KIF26B: variants seen among roughly 807,000 people sequenced by gnomAD.
The protein encoded by KIF26B is kinesin-like protein KIF26B.
In KIF26B, 63 loss-of-function variants were observed where a neutral mutation model predicts 151.2. The ratio of observed to expected loss-of-function variants is 0.42; its 90% CI spans 0.34 to 0.51. The LOEUF (loss-of-function observed/expected upper bound fraction) is 0.51. Ranked by LOEUF, KIF26B falls within the 20% of genes least tolerant of loss-of-function variation. The pLI is 0.07. For missense variants in KIF26B, 2,813 were observed against 2,913.6 expected, an observed-to-expected ratio of 0.97 and a Z score of 0.79; for synonymous variants, 1,357 against 1,262.1, an observed-to-expected ratio of 1.08 and a Z score of -1.59.
At position 245,353,227 on chromosome 1, in the gene KIF26B, C is replaced by T. The variant is rs144016714; in HGVS notation, c.466-13607C>T. On this transcript the variant is annotated intron_variant, in intron 2 of 14. Transcript: ENST00000407071. Reference sequence around the variant, plus strand: ...GACTAGAGGCAGCAGGGAGAGGGGTCCTGGTTTACTCACCCCCTCTCCCTC... The same window carrying T: ...GACTAGAGGCAGCAGGGAGAGGGGTTCTGGTTTACTCACCCCCTCTCCCTC... Among the ~76,000 whole-genome samples, 446 of 152,186 alleles carry T rather than the reference C, an allele frequency of 2.9e-3. 2 individuals carry two copies. The highest frequency in any genetic ancestry group is 0.01 in the African/African-American group (425 of 41,520).
At chr1:245,485,860 T>C (rs1464228327) in intron 4 of KIF26B, among the ~76,000 whole-genome samples, 1 of 152,234 alleles carries the variant, frequency 6.6e-6, no homozygotes, top group Non-Finnish European at 1.5e-5. Flanking sequence ...TCTCCAGAGC[T>C]GTGATGAATA....
intron 2 of KIF26B, among the ~76,000 whole-genome samples, chr1:245,226,512 G>T (rs1001371690): frequency 6.6e-6 from 1 of 151,806 alleles, no homozygotes; most frequent in African/African-American, 2.4e-5. Context: ...GCCCAGGCTA[G>T]AGTGCAATGG....
At chr1:245,294,077 G>C (rs1314749975) in intron 2 of KIF26B, among the ~76,000 whole-genome samples, 1 of 152,214 alleles carries the variant, frequency 6.6e-6, no homozygotes, top group East Asian at 1.9e-4. Context: ...TATAGACCAT[G>C]ATGGTGGCCT....
chr1:245,370,043 A>T (rs1020184483), intron 3 of KIF26B, among the ~76,000 whole-genome samples: 11 of 152,220 alleles, frequency 7.2e-5, no homozygotes, highest in Non-Finnish European at 1.6e-4. Context: ...TATCAAAAGT[A>T]ACATATTTGT....
intron 4 of KIF26B, among the ~76,000 whole-genome samples, chr1:245,539,429 T>A (rs1661553486): frequency 6.6e-6 from 1 of 152,212 alleles, no homozygotes; most frequent in Admixed American, 6.5e-5. Flanking sequence ...ATTGGATGAA[T>A]TATAAGATTT....
In KIF26B at chr1:245,592,967, G is replaced by C. The variant is rs528546897; in HGVS notation, c.1351-9610G>C. Among the ~76,000 whole-genome samples, 106 of 152,180 alleles carry C rather than the reference G, an allele frequency of 7.0e-4. 1 individual carries two copies. Among genetic ancestry groups the C allele is most frequent in the African/African-American group, 2.5e-3 (104 of 41,512 alleles). ...TCACAGCCTCCTTAGTTGTCCCCTG[G>C]ATTTCCTGGCATTGGAGTTATGTAA... is the stretch of plus-strand genomic sequence containing the variant. On this transcript the variant is annotated intron_variant, in intron 5 of 14. Transcript: ENST00000407071.
chr1:245,298,316 G>T (rs1404850770), intron 2 of KIF26B, among the ~76,000 whole-genome samples: 1 of 152,212 alleles, frequency 6.6e-6, no homozygotes, highest in African/African-American at 2.4e-5. Context: ...GCATACAATG[G>T]CATATTCTTC....
At chr1:245,186,654 C>T (rs1669005679) in intron 2 of KIF26B, among the ~76,000 whole-genome samples, 1 of 152,148 alleles carries the variant, frequency 6.6e-6, no homozygotes, top group Admixed American at 6.5e-5. Context: ...AGTTACGTAT[C>T]TCTAACTTGG....
intron 10 of KIF26B, among the ~76,000 whole-genome samples, chr1:245,646,620 G>T (rs550730479): frequency 6.6e-6 from 1 of 152,294 alleles, no homozygotes; most frequent in Admixed American, 6.5e-5. Flanking sequence ...AGAGTGAGGG[G>T]TGGAAGACTG....
intron 2 of KIF26B, among the ~76,000 whole-genome samples, chr1:245,328,283 A>C (rs564123012): frequency 6.6e-6 from 1 of 152,188 alleles, no homozygotes; most frequent in South Asian, 2.1e-4. Context: ...CATTTGTAAA[A>C]TTAGGGAATA....
chr1:245,177,666 G>C (rs914734425), intron 2 of KIF26B, among the ~76,000 whole-genome samples: 1 of 42,610 alleles, frequency 2.3e-5, no homozygotes. Context: ...GTCCTTAGGG[G>C]TGTGTGTGTG....
Position 245,540,883 on chromosome 1 carries a change from C to T in KIF26B, c.1283C>T (p.Pro428Leu). The T allele has an allele frequency of 6.2e-7, 1 of 1,613,998 alleles. No homozygotes were observed. The change falls in exon 5 of 15, where the codon CCT (proline) becomes CTT (leucine). Residue 428 changes from proline (P) to leucine (L), a missense_variant. Coordinates refer to ENST00000407071, the MANE Select transcript of KIF26B (RefSeq NM_018012.4). The surrounding 1 kb of genome is among the most constrained non-coding windows in gnomAD (Gnocchi z 4.6). ...TTCAGTGGGATTCTGCAGACCTCCC[C>T]TCCCCCAGCCCCACCCTGCCTGCTG... ...TSFSGILQTS[P>L]PPAPPCLLRA...
At chr1:245,591,060 AG>A (rs1259808058) in intron 5 of KIF26B, among the ~76,000 whole-genome samples, 3 of 152,172 alleles carry the variant, frequency 2.0e-5, no homozygotes, top group Non-Finnish European at 4.4e-5. Context: ...GGAAGCAGTG[AG>A]GAATGGGCTC....
chr1:245,544,073 C>G (rs1661684664), intron 5 of KIF26B, among the ~76,000 whole-genome samples: 1 of 152,196 alleles, frequency 6.6e-6, no homozygotes, highest in South Asian at 2.1e-4. Context: ...GCCAAACTGC[C>G]TGACCTCAGC....
chr1:245,220,443 G>A (rs1035669172), intron 2 of KIF26B, among the ~76,000 whole-genome samples: 1 of 123,302 alleles, frequency 8.1e-6, no homozygotes, highest in Non-Finnish European at 1.8e-5. Context: ...TCCAGGGTCC[G>A]GGGTCCAGGG....
rs186882675 is a variant in KIF26B, at chr1:245,239,198, C to T, written c.465+82515C>T. Reference sequence around the variant, plus strand: ...ACATGGGCAGGAGTTAACGCGTCCTCCAGAGAATGCCTCCATGTTCTTCCG... The same window carrying T: ...ACATGGGCAGGAGTTAACGCGTCCTTCAGAGAATGCCTCCATGTTCTTCCG... On this transcript the variant is annotated intron_variant, in intron 2 of 14. Transcript: ENST00000407071. The surrounding 1 kb of genome is among the most constrained non-coding windows in gnomAD (Gnocchi z 4.3). Among the ~76,000 whole-genome samples the T allele has an allele frequency of 6.6e-6, 1 of 152,264 alleles. No homozygotes were observed. Among genetic ancestry groups the T allele is most frequent in the East Asian group, 1.9e-4 (1 of 5,178 alleles).
At chr1:245,284,970 T>C (rs1671139451) in intron 2 of KIF26B, among the ~76,000 whole-genome samples, 1 of 152,086 alleles carries the variant, frequency 6.6e-6, no homozygotes, top group Non-Finnish European at 1.5e-5. Flanking sequence ...ACCTGGGAGG[T>C]GGAGGTTGCG....
At chr1:245,230,048 G>A (rs932513356) in intron 2 of KIF26B, among the ~76,000 whole-genome samples, 1 of 151,684 alleles carries the variant, frequency 6.6e-6, no homozygotes, top group Non-Finnish European at 1.5e-5. Context: ...CAGGAGAATC[G>A]CTTGAACCCG....
intron 4 of KIF26B, among the ~76,000 whole-genome samples, chr1:245,435,249 A>G (rs1436825265): frequency 6.6e-6 from 1 of 152,170 alleles, no homozygotes; most frequent in African/African-American, 2.4e-5. Flanking sequence ...CGAGGAGAGC[A>G]AGAGGACAGC....
Sources: allele counts gnomAD v4.1 joint callset (sites outside exome capture counted in the v4.1 genomes callset), GRCh38; gene constraint gnomAD v4.1.1; non-coding constraint Gnocchi (gnomAD v3.1); transcripts MANE v1.5; gene names NCBI Gene and HGNC (gene_info 2026-07-23, HGNC 2026-07-21).